SLC2A7: variants seen among roughly 807,000 people sequenced by gnomAD.
SLC2A7 encodes solute carrier family 2 member 7, also known as solute carrier family 2, facilitated glucose transporter member 7.
Under a neutral mutation model 50.5 loss-of-function variants are expected in SLC2A7, and 50 were observed. The observed-to-expected ratio is 0.99, with a 90% confidence interval of 0.79 to 1.25. The LOEUF (loss-of-function observed/expected upper bound fraction) is 1.25, where lower values mean the gene tolerates loss of function less well. SLC2A7 is among the 50% of genes most tolerant of loss of function. SLC2A7 has a pLI of 0.00. For missense variants in SLC2A7, 683 were observed against 679.1 expected, an observed-to-expected ratio of 1.01 and a Z score of -0.06; for synonymous variants, 308 against 300.4, an observed-to-expected ratio of 1.03 and a Z score of -0.26.
chr1:9,001,440 T>A (rs1377395049), downstream of SLC2A7, among the ~76,000 whole-genome samples: 1 of 149,198 alleles, frequency 6.7e-6, no homozygotes, highest in African/African-American at 2.5e-5. Context: ...TTTTTTTTTT[T>A]AGACAGGGTC....
chr1:8,996,838 C>T, the SLC2A7 span, among the ~76,000 whole-genome samples: 4 of 151,902 alleles, frequency 2.6e-5, no homozygotes, highest in African/African-American at 7.3e-5. Context: ...GGCAATGGCA[C>T]GATCTTGGCT....
chr1:8,997,712 C>G, the SLC2A7 span, among the ~76,000 whole-genome samples: 1 of 152,126 alleles, frequency 6.6e-6, no homozygotes, highest in Non-Finnish European at 1.5e-5. Context: ...TTGAGACTTT[C>G]TTATGCATTG....
intron 3 of SLC2A7, 48 bp downstream of exon 3, chr1:9,022,870 G>A (rs113679875): frequency 1.2e-6 from 2 of 1,602,478 alleles, no homozygotes; most frequent in South Asian, 1.1e-5. Flanking sequence ...GAGACAGTGT[G>A]GCTTACTAGC....
intron 5 of SLC2A7, among the ~76,000 whole-genome samples, chr1:9,017,426 A>T (rs2124257820): frequency 6.6e-6 from 1 of 152,302 alleles, no homozygotes; most frequent in Non-Finnish European, 1.5e-5. Context: ...TATTCTGCAG[A>T]GGGTCCTGCC....
chr1:8,993,546 G>T, the SLC2A7 span, among the ~76,000 whole-genome samples: 2 of 152,174 alleles, frequency 1.3e-5, no homozygotes, highest in African/African-American at 4.8e-5. Flanking sequence ...GTAGATATTT[G>T]AATATGGTGG....
chr1:9,003,202 G>T lies in SLC2A7; in HGVS notation c.*98C>A. On this transcript the variant is annotated 3_prime_UTR_variant, in exon 12 of 12. Coordinates refer to ENST00000400906, the MANE Select transcript of SLC2A7 (RefSeq NM_207420.3). ...AAGTTAAATGGGGGCAACGACAAAA[G>T]CCTCCGTGCTATTATCCTCCCCAGA... 1 of 1,059,492 alleles carries T rather than the reference G, an allele frequency of 9.4e-7. No individual in the cohort carries two copies. The highest frequency in any genetic ancestry group is 1.4e-6 in the Non-Finnish European group (1 of 726,638). 65.6% of individuals were successfully genotyped at this position (1,059,492 alleles called of 1,614,324 possible). A position where few individuals can be genotyped will look rare whatever the true frequency, so the allele number is the denominator to read the frequency against.
intron 4 of SLC2A7, among the ~76,000 whole-genome samples, 186 bp from the exon 5 acceptor site, chr1:9,018,561 C>T (rs1640866520): frequency 6.6e-6 from 1 of 152,242 alleles, no homozygotes; most frequent in Non-Finnish European, 1.5e-5. Context: ...TCCTCAGCCC[C>T]CACGGGGGAG....
chr1:9,009,111 T>C (rs770049481), intron 9 of SLC2A7, among the ~76,000 whole-genome samples: 1 of 152,172 alleles, frequency 6.6e-6, no homozygotes. Flanking sequence ...AGAGGGCAGC[T>C]TGGAAAAGAA....
intron 6 of SLC2A7, 80 bp from the exon 7 acceptor site, chr1:9,014,948 C>T: frequency 1.3e-6 from 2 of 1,507,226 alleles, no homozygotes; most frequent in South Asian, 1.3e-5. Context: ...GCCCTGAGCT[C>T]ACCATTCCCT....
At position 9,015,160 on chromosome 1, in the gene SLC2A7, G is replaced by A. The variant is rs374030740; in HGVS notation, c.672C>T (p.Arg224=). The change falls in exon 6 of 12, where the codon CGC becomes CGT. Residue 224 remains arginine, a synonymous_variant. Coordinates refer to ENST00000400906, the MANE Select transcript of SLC2A7 (RefSeq NM_207420.3). ...LTLPFFPESP[R]YSLIQKGDEA... is the part of the protein sequence containing the mutation. ...CATCTCCTTTCTGAATCAGGGAGTAGCGGGGGCTTTCGGGGAAGAAGGGCA... is the reference window on the plus strand; with the variant it reads ...CATCTCCTTTCTGAATCAGGGAGTAACGGGGGCTTTCGGGGAAGAAGGGCA... 1.6e-5 allele frequency: 26 copies of A among 1,613,380 alleles called. No individual in the cohort carries two copies. The highest frequency in any genetic ancestry group is 2.2e-5 in the Non-Finnish European group (26 of 1,179,848).
At chr1:9,015,310 G>T (rs12410702) in intron 5 of SLC2A7, 68 bp from the exon 6 acceptor site, 2 of 1,479,934 alleles carry the variant, frequency 1.4e-6, no homozygotes, top group East Asian at 4.8e-5. Context: ...CACTGTGCTC[G>T]GAAGGTCACG....
chr1:9,015,036 A>T, intron 6 of SLC2A7, 81 bp downstream of exon 6: 1 of 1,580,468 alleles, frequency 6.3e-7, no homozygotes, highest in Non-Finnish European at 8.6e-7. Context: ...ACCCATGGCG[A>T]CCCTGACTGT....
At chr1:9,015,045 G>A in intron 6 of SLC2A7, 72 bp downstream of exon 6, 1 of 1,592,448 alleles carries the variant, frequency 6.3e-7, no homozygotes, top group Non-Finnish European at 8.5e-7. Context: ...GACCCTGACT[G>A]TGGCCCTGAC....
Position 9,008,598 on chromosome 1 carries a change from T to C in SLC2A7, c.1117-1213A>G, listed in dbSNP as rs759762994. The stretch of plus-strand genomic sequence containing the variant: ...CCCTAAAGGTTCTGCTAAGAACTTA[T>C]ATTGGTTTTTTTTTTTTTTAGACAG... On this transcript the variant is annotated intron_variant, in intron 9 of 11. Transcript: ENST00000400906. This position sits in a 1 kb window ranked among gnomAD's most constrained non-coding sequence, Gnocchi z 5.9. Among the ~76,000 whole-genome samples, 1 of 79,658 alleles carries C rather than the reference T, an allele frequency of 1.3e-5. No individual in the cohort carries two copies. Among genetic ancestry groups the C allele is most frequent in the African/African-American group, 4.9e-5 (1 of 20,244 alleles). The allele number at this position is 79,658 out of a possible 152,430, so 52.3% of individuals were successfully genotyped here.
intron 10 of SLC2A7, 67 bp downstream of exon 10, chr1:9,007,243 C>G: frequency 6.4e-7 from 1 of 1,564,068 alleles, no homozygotes; most frequent in Non-Finnish European, 8.8e-7. Flanking sequence ...GTGTCGAGCA[C>G]TGACTGTGTG....
downstream of SLC2A7, among the ~76,000 whole-genome samples, chr1:9,000,644 A>T (rs1021082544): frequency 4.0e-5 from 6 of 151,842 alleles, no homozygotes; most frequent in East Asian, 1.2e-3. Context: ...ATAAAAATAA[A>T]ATAAAAGGGG....
At chr1:9,021,964 A>G (rs1640918684) in intron 3 of SLC2A7, among the ~76,000 whole-genome samples, 1 of 152,208 alleles carries the variant, frequency 6.6e-6, no homozygotes, top group Non-Finnish European at 1.5e-5. Flanking sequence ...ACCAAAAAAA[A>G]AAGCTTGAAT....
At chr1:9,009,772 G>C (rs1007396031) in intron 9 of SLC2A7, among the ~76,000 whole-genome samples, 6 of 152,200 alleles carry the variant, frequency 3.9e-5, no homozygotes, top group Admixed American at 6.5e-5. Flanking sequence ...TCTACCTCTC[G>C]AATGGGGTGA....
intron 4 of SLC2A7, among the ~76,000 whole-genome samples, chr1:9,018,980 G>C (rs550728286): frequency 6.6e-6 from 1 of 152,244 alleles, no homozygotes; most frequent in East Asian, 1.9e-4. Context: ...CCAGGAGTTT[G>C]AGATCAGCCT....
Sources: allele counts gnomAD v4.1 joint callset (sites outside exome capture counted in the v4.1 genomes callset), GRCh38; gene constraint gnomAD v4.1.1; non-coding constraint Gnocchi (gnomAD v3.1); transcripts MANE v1.5; gene names NCBI Gene and HGNC (gene_info 2026-07-23, HGNC 2026-07-21).